The following ATP9B variants were observed in gnomAD, a reference collection of about 807,000 sequenced individuals.
The protein encoded by ATP9B is probable phospholipid-transporting ATPase IIB.
Under a neutral mutation model 146.1 loss-of-function variants are expected in ATP9B, and 110 were observed. The observed-to-expected ratio is 0.75, with a 90% confidence interval of 0.65 to 0.88. ATP9B has a LOEUF of 0.88. Ranked by LOEUF, ATP9B falls within the 40% of genes least tolerant of loss-of-function variation. The pLI is 0.00. For synonymous variants in ATP9B, 604 were observed against 569.7 expected (o/e 1.06, Z -0.86); for missense variants, 1,499 against 1,496.4 (o/e 1.00, Z -0.03).
At chr18:79,270,270 A>G (rs1409698610) in intron 12 of ATP9B, among the ~76,000 whole-genome samples, 2 of 152,094 alleles carry the variant, frequency 1.3e-5, no homozygotes, top group Non-Finnish European at 2.9e-5. Context: ...TTATATTTAT[A>G]TGCACACATT....
chr18:79,177,901 G>A (rs1034127942), intron 8 of ATP9B, among the ~76,000 whole-genome samples: 5 of 152,016 alleles, frequency 3.3e-5, no homozygotes, highest in African/African-American at 9.7e-5. Context: ...TTCTATGATT[G>A]TTTACTTAAA....
At chr18:79,270,763 A>G (rs1269404727) in intron 12 of ATP9B, among the ~76,000 whole-genome samples, 3 of 152,246 alleles carry the variant, frequency 2.0e-5, no homozygotes, top group Non-Finnish European at 2.9e-5. Flanking sequence ...TTCATTCTCA[A>G]CCAACCAGAG....
intron 11 of ATP9B, among the ~76,000 whole-genome samples, chr18:79,216,508 T>C (rs2095628417): frequency 6.6e-6 from 1 of 152,198 alleles, no homozygotes; most frequent in African/African-American, 2.4e-5. Context: ...TTAGCTGTAA[T>C]TTTTATTTTT....
intron 1 of ATP9B, among the ~76,000 whole-genome samples, chr18:79,080,977 TC>T (rs1478528169): frequency 6.6e-6 from 1 of 152,214 alleles, no homozygotes; most frequent in Admixed American, 6.5e-5. Context: ...GCTGACTTGA[TC>T]ATGGTGGATA....
chr18:79,310,265 G>A (rs1443660045), intron 15 of ATP9B, among the ~76,000 whole-genome samples: 6 of 152,216 alleles, frequency 3.9e-5, no homozygotes, highest in African/African-American at 9.7e-5. Context: ...TGCACAGTAC[G>A]GGGCTTGCAG....
At chr18:79,124,068 A>G (rs2094238063) in intron 4 of ATP9B, among the ~76,000 whole-genome samples, 1 of 152,204 alleles carries the variant, frequency 6.6e-6, no homozygotes, top group Admixed American at 6.5e-5. Context: ...GCAGGAATGT[A>G]AAGTGGTGCA....
chr18:79,212,447 G>A (rs954616881), intron 10 of ATP9B, among the ~76,000 whole-genome samples: 5 of 152,114 alleles, frequency 3.3e-5, no homozygotes, highest in African/African-American at 7.2e-5. Context: ...TCAGCTCAAC[G>A]GTTTCTAGCT....
At chr18:79,288,000 G>T (rs1295086548) in intron 13 of ATP9B, among the ~76,000 whole-genome samples, 1 of 151,756 alleles carries the variant, frequency 6.6e-6, no homozygotes. Flanking sequence ...TATAATTTCT[G>T]TTCTTTTACA....
chr18:79,349,227 C>G (rs1174254546), intron 25 of ATP9B, among the ~76,000 whole-genome samples: 1 of 152,216 alleles, frequency 6.6e-6, no homozygotes, highest in African/African-American at 2.4e-5. Context: ...TGCCACTGAC[C>G]TCCCTGACCT....
chr18:79,269,281 A>G (rs1364627781), intron 12 of ATP9B, among the ~76,000 whole-genome samples: 1 of 152,082 alleles, frequency 6.6e-6, no homozygotes, highest in South Asian at 2.1e-4. Context: ...TCGCTGCTGC[A>G]CTTTCTGCTT....
chr18:79,257,229 G>A (rs113029009), intron 12 of ATP9B, among the ~76,000 whole-genome samples: 17,600 of 152,238 alleles, frequency 0.12, 1,109 homozygotes, highest in East Asian at 0.18. Context: ...GAACCCAGGA[G>A]GCAGAGGTTG....
At chr18:79,359,003 C>T (rs1050386187) in intron 25 of ATP9B, among the ~76,000 whole-genome samples, 2 of 151,862 alleles carry the variant, frequency 1.3e-5, no homozygotes. Flanking sequence ...GTTCACACTA[C>T]AGTTATCTAA....
chr18:79,126,887 T>C (rs1348213341), intron 5 of ATP9B, among the ~76,000 whole-genome samples: 1 of 152,182 alleles, frequency 6.6e-6, no homozygotes, highest in African/African-American at 2.4e-5. Flanking sequence ...TTGCTTAACT[T>C]ACATCCTTCA....
chr18:79,308,867 C>T (rs879790673), intron 15 of ATP9B, among the ~76,000 whole-genome samples: 4 of 124,486 alleles, frequency 3.2e-5, no homozygotes, highest in African/African-American at 1.1e-4. Flanking sequence ...AGGAGTGATC[C>T]CCAGCAGGTA....
chr18:79,191,800 T>C (rs56344150), intron 8 of ATP9B, among the ~76,000 whole-genome samples: 2,450 of 152,372 alleles, frequency 0.016, 30 homozygotes, highest in Non-Finnish European at 0.025. Context: ...AGGGCCAGTC[T>C]TCACTGATCA....
intron 11 of ATP9B, among the ~76,000 whole-genome samples, chr18:79,249,410 T>G (rs1768524577): frequency 6.6e-6 from 1 of 152,202 alleles, no homozygotes; most frequent in Non-Finnish European, 1.5e-5. Context: ...ATAAATATTA[T>G]GACAAGTAGA....
At position 79,079,270 on chromosome 18, in the gene ATP9B, T is replaced by A. The variant is rs112812227; in HGVS notation, c.119+9741T>A. On this transcript the variant is annotated intron_variant, in intron 1 of 29. Coordinates refer to ENST00000426216, the MANE Select transcript of ATP9B (RefSeq NM_198531.5). Reference sequence around the variant, plus strand: ...CCACAATGGTTGAACTAACTTACACTCCCACCAACAGTATAAAAGTGTTCC... The same window carrying A: ...CCACAATGGTTGAACTAACTTACACACCCACCAACAGTATAAAAGTGTTCC... Among the ~76,000 whole-genome samples, 1,343 of 152,294 alleles carry A rather than the reference T, an allele frequency of 8.8e-3. 19 individuals carry two copies. Among genetic ancestry groups the A allele is most frequent in the African/African-American group, 0.029 (1,221 of 41,550 alleles).
intron 4 of ATP9B, 67 bp from the exon 5 acceptor site, chr18:79,126,200 G>C: frequency 7.5e-7 from 1 of 1,338,710 alleles, no homozygotes. Flanking sequence ...GTTAAACCAA[G>C]TAACAAATAA....
intron 15 of ATP9B, among the ~76,000 whole-genome samples, chr18:79,323,826 G>A (rs750198107): frequency 2.1e-4 from 32 of 152,298 alleles, no homozygotes; most frequent in African/African-American, 5.8e-4. Context: ...ATTCCCAGGC[G>A]TGGGATTGTG....
Sources: gnomAD v4.1 joint callset for allele counts (sites outside exome capture counted in the v4.1 genomes callset) on GRCh38, gnomAD v4.1.1 for gene constraint, MANE v1.5 for transcripts, NCBI Gene and HGNC (gene_info 2026-07-23, HGNC 2026-07-21) for gene names.